The following SIPA1L2 variants were observed in gnomAD, a reference collection of about 807,000 sequenced individuals.
SIPA1L2 encodes signal induced proliferation associated 1 like 2.
SIPA1L2 carries 56 observed loss-of-function variants against 163.9 expected under a neutral mutation model. That is an observed-to-expected ratio of 0.34 (90% CI 0.28 to 0.43). The LOEUF (loss-of-function observed/expected upper bound fraction) is 0.43, where lower values mean the gene tolerates loss of function less well. SIPA1L2 is among the 20% of genes least tolerant of loss of function. The pLI is 1.00. For synonymous variants in SIPA1L2, 877 were observed against 865.7 expected (o/e 1.01, Z -0.23); for missense variants, 1,974 against 2,193.5 (o/e 0.90, Z 2.00).
At chr1:232,504,339 G>A (rs1324043299) in intron 3 of SIPA1L2, among the ~76,000 whole-genome samples, 2 of 152,124 alleles carry the variant, frequency 1.3e-5, no homozygotes, top group African/African-American at 4.8e-5. Flanking sequence ...AGGAGCTCAA[G>A]ACCAGCCTGG....
At chr1:232,605,259 C>G (rs141613531) in intron 1 of SIPA1L2, among the ~76,000 whole-genome samples, 1,704 of 152,338 alleles carry the variant, frequency 0.011, 16 homozygotes, top group Non-Finnish European at 0.017. Flanking sequence ...AATGATCCAC[C>G]TTCCTTGGCC....
At chr1:232,580,572 GT>G (rs936895631) in intron 1 of SIPA1L2, among the ~76,000 whole-genome samples, 1 of 152,194 alleles carries the variant, frequency 6.6e-6, no homozygotes, top group African/African-American at 2.4e-5. Context: ...GACAGGACAG[GT>G]TATGGGAAGG....
chr1:232,561,018 C>CAGAT (rs1392995139), intron 2 of SIPA1L2, among the ~76,000 whole-genome samples: 2 of 152,190 alleles, frequency 1.3e-5, no homozygotes, highest in Non-Finnish European at 2.9e-5. Flanking sequence ...ATGTTCCAGA[C>CAGAT]AGATATATTA....
At chr1:232,595,967 C>T (rs16857730) in intron 1 of SIPA1L2, among the ~76,000 whole-genome samples, 41,387 of 152,020 alleles carry the variant, frequency 0.27, 6,578 homozygotes, top group Non-Finnish European at 0.36. Context: ...AGTTCCACTG[C>T]CCATAGAGCT....
chr1:232,543,527 AT>A (rs1657822682), intron 2 of SIPA1L2, among the ~76,000 whole-genome samples: 1 of 152,044 alleles, frequency 6.6e-6, no homozygotes, highest in East Asian at 1.9e-4. Context: ...ACGTTTTTAC[AT>A]TTTCTTTTCT....
At chr1:232,484,114 T>A (rs144677622) in intron 5 of SIPA1L2, 148 bp from the exon 6 acceptor site, 29 of 677,354 alleles carry the variant, frequency 4.3e-5, no homozygotes, top group East Asian at 4.3e-4. Flanking sequence ...AGTAGGCAAC[T>A]GCCACTGTGA....
chr1:232,459,421 T>C (rs1411927662), intron 10 of SIPA1L2, among the ~76,000 whole-genome samples: 3 of 152,114 alleles, frequency 2.0e-5, no homozygotes, highest in Non-Finnish European at 2.9e-5. Context: ...GGTTAGTAAG[T>C]CCAGAAAGTA....
chr1:232,501,436 G>C (rs1286726981), intron 3 of SIPA1L2, among the ~76,000 whole-genome samples: 13 of 152,078 alleles, frequency 8.5e-5, no homozygotes, highest in Admixed American at 3.9e-4. Flanking sequence ...GGTCAGGCAG[G>C]GTCCAGCCAT....
At chr1:232,601,063 T>A (rs1661571825) in intron 1 of SIPA1L2, among the ~76,000 whole-genome samples, 1 of 152,094 alleles carries the variant, frequency 6.6e-6, no homozygotes, top group African/African-American at 2.4e-5. Flanking sequence ...CCCGATGGTA[T>A]CCCCTAGAGG....
chr1:232,617,661 T>C (rs1272754072), intron 1 of SIPA1L2, among the ~76,000 whole-genome samples: 2 of 149,148 alleles, frequency 1.3e-5, no homozygotes, highest in African/African-American at 4.9e-5. Flanking sequence ...GGAACAAAGG[T>C]TGCCTCAGAT....
At chr1:232,436,591 A>G (rs1204808474) in intron 15 of SIPA1L2, among the ~76,000 whole-genome samples, 1 of 152,154 alleles carries the variant, frequency 6.6e-6, no homozygotes, top group African/African-American at 2.4e-5. Context: ...ACAGGAGAGG[A>G]AAGCAGGGGG....
At chr1:232,491,681 C>T (rs1467669896) in intron 4 of SIPA1L2, among the ~76,000 whole-genome samples, 1 of 152,104 alleles carries the variant, frequency 6.6e-6, no homozygotes, top group South Asian at 2.1e-4. Context: ...TGCCTAAGAT[C>T]TAATATGATG....
At chr1:232,432,087 T>C (rs1404620000) in intron 16 of SIPA1L2, among the ~76,000 whole-genome samples, 160 bp downstream of exon 16, 1 of 152,228 alleles carries the variant, frequency 6.6e-6, no homozygotes, top group Non-Finnish European at 1.5e-5. Context: ...AGAATAATTT[T>C]ATAGGGAAAT....
chr1:232,439,399 A>C lies in SIPA1L2; in HGVS notation c.3740T>G (p.Leu1247Arg). Residue 1247 changes from leucine to arginine, a missense_variant, in exon 15 of 23, where the codon CTG (leucine) becomes CGG (arginine). Transcript: ENST00000674635. ...SDDKHFGSGDLMDPELLGLTY... is the reference protein window; with the variant it reads ...SDDKHFGSGDRMDPELLGLTY... Reference sequence around the variant, plus strand: ...CAGCCCCAGTAATTCGGGGTCCATCAGGTCGCCAGACCCAAAGTGCTTGTC... The same window carrying C: ...CAGCCCCAGTAATTCGGGGTCCATCCGGTCGCCAGACCCAAAGTGCTTGTC... The C allele has an allele frequency of 6.2e-7, 1 of 1,614,218 alleles. No homozygotes were observed. The highest frequency in any genetic ancestry group is 8.5e-7 in the Non-Finnish European group (1 of 1,180,040).
intron 15 of SIPA1L2, among the ~76,000 whole-genome samples, chr1:232,432,874 A>G (rs1226817241): frequency 6.6e-6 from 1 of 152,232 alleles, no homozygotes; most frequent in Non-Finnish European, 1.5e-5. Context: ...CATACTCACC[A>G]GACAGGCAAA....
At chr1:232,415,718 A>G (rs899992451) in intron 18 of SIPA1L2, 93 bp from the exon 19 acceptor site, 20 of 1,555,022 alleles carry the variant, frequency 1.3e-5, no homozygotes, top group Non-Finnish European at 1.8e-5. Flanking sequence ...TGCCCCTCCC[A>G]GAGTCAGTCA....
At chr1:232,401,844 T>A (rs542187981) in intron 22 of SIPA1L2, among the ~76,000 whole-genome samples, 7 of 152,202 alleles carry the variant, frequency 4.6e-5, no homozygotes, top group Non-Finnish European at 1.0e-4. Flanking sequence ...CCGCACCCCA[T>A]TCCGTTTCCC....
chr1:232,402,060 AG>A (rs1660375551), intron 22 of SIPA1L2, among the ~76,000 whole-genome samples: 1 of 152,222 alleles, frequency 6.6e-6, no homozygotes, highest in South Asian at 2.1e-4. Context: ...GACTCCTCTG[AG>A]GTCATCTCAT....
intron 22 of SIPA1L2, 93 bp from the exon 23 acceptor site, chr1:232,399,366 T>C: frequency 7.2e-7 from 1 of 1,382,380 alleles, no homozygotes; most frequent in South Asian, 1.4e-5. Context: ...TTCTTATTTT[T>C]ACTTATGTAC....
Sources: gnomAD v4.1 joint callset for allele counts (sites outside exome capture counted in the v4.1 genomes callset) on GRCh38, gnomAD v4.1.1 for gene constraint, MANE v1.5 for transcripts, NCBI Gene and HGNC (gene_info 2026-07-23, HGNC 2026-07-21) for gene names.